MYO1B: variants seen among roughly 807,000 people sequenced by gnomAD.
MYO1B encodes myosin IB.
In MYO1B, 72 loss-of-function variants were observed where a neutral mutation model predicts 159.7. The observed-to-expected ratio is 0.45, with a 90% CI of 0.37 to 0.55. MYO1B has a LOEUF of 0.55. Among genes scored for constraint, MYO1B ranks in the 20% least tolerant of loss-of-function variants. The pLI, the probability that MYO1B is intolerant of heterozygous loss-of-function variation, is 0.00. For missense variants in MYO1B, 1,062 were observed against 1,364.8 expected (o/e 0.78, Z 3.50); for synonymous variants, 468 against 473.8 (o/e 0.99, Z 0.16).
At chr2:191,392,473 A>C (rs763231282) in intron 19 of MYO1B, among the ~76,000 whole-genome samples, 19 of 152,220 alleles carry the variant, frequency 1.2e-4, no homozygotes, top group Non-Finnish European at 2.8e-4. Flanking sequence ...ACAACGGTGC[A>C]ACATTCATAG....
chr2:191,417,711 C>T (rs1205471546), intron 30 of MYO1B, among the ~76,000 whole-genome samples: 2 of 152,296 alleles, frequency 1.3e-5, no homozygotes, highest in Non-Finnish European at 1.5e-5. Flanking sequence ...ATGCTAATAA[C>T]GATGTACTGT....
At chr2:191,349,489 G>A (rs150578506) in intron 6 of MYO1B, among the ~76,000 whole-genome samples, 61 of 152,250 alleles carry the variant, frequency 4.0e-4, no homozygotes, top group African/African-American at 1.4e-3. Flanking sequence ...TGTTATACTT[G>A]TTACTCTTTA....
chr2:191,396,026 A>G (rs922528554), intron 20 of MYO1B, among the ~76,000 whole-genome samples: 2 of 152,198 alleles, frequency 1.3e-5, no homozygotes, highest in Non-Finnish European at 2.9e-5. Flanking sequence ...GGAGGTTTAG[A>G]GGTGGGTCCA....
intron 2 of MYO1B, among the ~76,000 whole-genome samples, chr2:191,279,981 A>C (rs1164978320): frequency 6.6e-6 from 1 of 152,106 alleles, no homozygotes; most frequent in African/African-American, 2.4e-5. Context: ...TCCTATGTGA[A>C]CCAGCTCTAA....
At chr2:191,348,868 A>T (rs903143673) in intron 6 of MYO1B, among the ~76,000 whole-genome samples, 1 of 152,130 alleles carries the variant, frequency 6.6e-6, no homozygotes, top group Admixed American at 6.6e-5. Context: ...TGTGACGAGA[A>T]TATCTCAAAG....
At chr2:191,276,750 G>A (rs554410060) in intron 1 of MYO1B, 137 bp from the exon 2 acceptor site, 1 of 1,002,908 alleles carries the variant, frequency 1.0e-6, no homozygotes, top group African/African-American at 1.7e-5. Flanking sequence ...GGTTCATAGG[G>A]AGGAGAGGTT....
At chr2:191,361,225 A>C (rs1405200834) in intron 8 of MYO1B, among the ~76,000 whole-genome samples, 1 of 152,232 alleles carries the variant, frequency 6.6e-6, no homozygotes, top group Non-Finnish European at 1.5e-5. Flanking sequence ...CTAATCATAC[A>C]TTTAAAAAAT....
intron 2 of MYO1B, among the ~76,000 whole-genome samples, chr2:191,295,313 A>G (rs1452473946): frequency 6.6e-6 from 1 of 152,152 alleles, no homozygotes; most frequent in Non-Finnish European, 1.5e-5. Flanking sequence ...GCTGCCAGGA[A>G]TTTAGGGTCG....
intron 2 of MYO1B, among the ~76,000 whole-genome samples, chr2:191,287,484 C>T (rs997363770): frequency 2.0e-5 from 3 of 151,322 alleles, no homozygotes; most frequent in African/African-American, 4.9e-5. Context: ...GAGCCAAGAT[C>T]GCGCCATTGT....
chr2:191,300,639 C>CTTTTTTT lies in MYO1B; in HGVS notation c.251+4423_251+4429dup, dbSNP rs1233709923. On this transcript the variant is annotated intron_variant, in intron 3 of 30. Coordinates refer to ENST00000392318, the MANE Select transcript of MYO1B (RefSeq NM_001130158.3). Reference sequence around the variant, plus strand: ...TTACAGGTGTGACACTGTGCGCAGCCTTTTTTTTTTTTTTTTAAGAGATGA... The same window carrying CTTTTTTT: ...TTACAGGTGTGACACTGTGCGCAGCCTTTTTTTTTTTTTTTTTTTTTTTAAGAGATGA... Among the ~76,000 whole-genome samples, 399 of 66,922 alleles carry CTTTTTTT rather than the reference C, an allele frequency of 6.0e-3. 48 individuals carry two copies. Among genetic ancestry groups the CTTTTTTT allele is most frequent in the Non-Finnish European group, 7.6e-3 (299 of 39,276 alleles). 43.9% of individuals were successfully genotyped at this position (66,922 alleles called of 152,430 possible).
intron 5 of MYO1B, among the ~76,000 whole-genome samples, chr2:191,343,925 G>A (rs35282329): frequency 0.34 from 51,087 of 152,074 alleles, 8,859 homozygotes; most frequent in South Asian, 0.5. Flanking sequence ...TTCTATAATG[G>A]AACACTTGCT....
chr2:191,304,179 C>T (rs894782507), intron 3 of MYO1B, among the ~76,000 whole-genome samples: 2 of 152,176 alleles, frequency 1.3e-5, no homozygotes, highest in African/African-American at 4.8e-5. Context: ...GGGCGTCGCA[C>T]CTAATTAGCT....
chr2:191,305,317 A>G (rs1278108554), intron 3 of MYO1B, among the ~76,000 whole-genome samples: 2 of 152,252 alleles, frequency 1.3e-5, no homozygotes, highest in East Asian at 1.9e-4. Flanking sequence ...CCATCCAGCC[A>G]GCCCAGGGAA....
chr2:191,369,583 CA>C lies in MYO1B; in HGVS notation c.1075del (p.Arg359GlyfsTer7). ...RDALAKNLYSRLFSWLVNRIN... is the reference protein window; with the variant it reads ...RDALAKNLYSXLFSWLVNRIN... ...ATGCTCTGGCTAAAAACCTCTACAG[CA>C]GGTTGTTTTCATGGTTGGTAAATCG... On this transcript the variant is annotated frameshift_variant, in exon 12 of 31. Coordinates refer to ENST00000392318, the MANE Select transcript of MYO1B (RefSeq NM_001130158.3). LOFTEE classifies it high-confidence loss of function. The C allele has an allele frequency of 6.2e-7, 1 of 1,613,432 alleles. No individual in the cohort carries two copies. The highest frequency in any genetic ancestry group is 8.5e-7 in the Non-Finnish European group (1 of 1,179,610).
chr2:191,313,606 G>A (rs1409473314), intron 3 of MYO1B, among the ~76,000 whole-genome samples: 5 of 152,070 alleles, frequency 3.3e-5, no homozygotes, highest in Non-Finnish European at 5.9e-5. Context: ...GGATGGTCTC[G>A]ATCTCCTGAC....
chr2:191,361,017 TTGAAG>T (rs762956649), intron 8 of MYO1B, among the ~76,000 whole-genome samples: 21 of 152,204 alleles, frequency 1.4e-4, no homozygotes, highest in Non-Finnish European at 1.6e-4. Context: ...ATGATTCTAG[TTGAAG>T]TGAAGAACAT....
At chr2:191,347,844 C>T (rs530438107) in intron 6 of MYO1B, among the ~76,000 whole-genome samples, 4 of 152,222 alleles carry the variant, frequency 2.6e-5, no homozygotes, top group East Asian at 1.9e-4. Flanking sequence ...ACTTGTACTC[C>T]GGGGAAATTG....
intron 2 of MYO1B, among the ~76,000 whole-genome samples, chr2:191,280,184 G>T (rs1687973915): frequency 6.6e-6 from 1 of 152,160 alleles, no homozygotes; most frequent in East Asian, 1.9e-4. Flanking sequence ...AGCAGCTGAC[G>T]CTGGAAGCAG....
intron 20 of MYO1B, among the ~76,000 whole-genome samples, chr2:191,393,755 A>G (rs1201461993): frequency 6.6e-6 from 1 of 152,190 alleles, no homozygotes; most frequent in African/African-American, 2.4e-5. Context: ...TATTAACTAT[A>G]GGGAAAGATT....
Sources: allele counts gnomAD v4.1 joint callset (sites outside exome capture counted in the v4.1 genomes callset), GRCh38; gene constraint gnomAD v4.1.1; transcripts MANE v1.5; gene names NCBI Gene and HGNC (gene_info 2026-07-23, HGNC 2026-07-21).